MAGI1: variants seen among roughly 807,000 people sequenced by gnomAD.
The protein encoded by MAGI1 is membrane-associated guanylate kinase, WW and PDZ domain-containing protein 1.
In MAGI1, 58 loss-of-function variants were observed where a neutral mutation model predicts 139.9. That is an observed-to-expected ratio of 0.41 (90% CI 0.34 to 0.52). MAGI1 has a LOEUF of 0.52. MAGI1 is among the 20% of genes least tolerant of loss of function. The pLI, the probability that MAGI1 is intolerant of heterozygous loss-of-function variation, is 0.12. For missense variants in MAGI1, 1,874 were observed against 1,901.6 expected, an observed-to-expected ratio of 0.99 and a Z score of 0.27; for synonymous variants, 812 against 737.9, an observed-to-expected ratio of 1.10 and a Z score of -1.63.
intron 2 of MAGI1, among the ~76,000 whole-genome samples, chr3:65,608,121 C>G (rs2082847363): frequency 6.6e-6 from 1 of 152,062 alleles, no homozygotes; most frequent in African/African-American, 2.4e-5. Flanking sequence ...TTCTACAAAT[C>G]AGAAAGCAAA....
rs776093338 is a variant in MAGI1, at chr3:65,448,066, A to T, written c.1043-9T>A. The T allele has an allele frequency of 6.2e-7, 1 of 1,613,810 alleles. No homozygotes were observed. Among genetic ancestry groups the T allele is most frequent in the African/African-American group, 1.3e-5 (1 of 74,910 alleles). On this transcript the variant is annotated splice_polypyrimidine_tract_variant and intron_variant, in intron 6 of 22. Transcript: ENST00000402939. Reference sequence around the variant, plus strand: ...CTCGGTGTGTACCCCTTCTTCTCCAAAGGAATAGCAGGAATGAGACAGAAA... The same window carrying T: ...CTCGGTGTGTACCCCTTCTTCTCCATAGGAATAGCAGGAATGAGACAGAAA...
chr3:65,718,648 G>C (rs1344980270), intron 1 of MAGI1: 1 of 152,096 alleles, frequency 6.6e-6, no homozygotes, highest in Non-Finnish European at 1.5e-5. Flanking sequence ...TTCAGAGCAC[G>C]TTCTCAGATC....
At chr3:65,419,366 T>A (rs756359223) in intron 12 of MAGI1, among the ~76,000 whole-genome samples, 1 of 152,190 alleles carries the variant, frequency 6.6e-6, no homozygotes, top group Non-Finnish European at 1.5e-5. Context: ...AGGACTTATC[T>A]TCAGTGAGTG....
intron 1 of MAGI1, among the ~76,000 whole-genome samples, chr3:65,622,533 T>C (rs1232426579): frequency 1.3e-5 from 2 of 152,130 alleles, no homozygotes; most frequent in East Asian, 3.9e-4. Flanking sequence ...CTCTTCAAAT[T>C]TCCATGAATT....
chr3:65,700,130 T>C (rs17073477), intron 1 of MAGI1, among the ~76,000 whole-genome samples: 65,916 of 151,984 alleles, frequency 0.43, 14,965 homozygotes, highest in African/African-American at 0.58. Flanking sequence ...CCTTATAAGA[T>C]GGTTGAGATA....
intron 6 of MAGI1, chr3:65,452,730 A>G (rs1205770833): frequency 6.6e-6 from 1 of 152,304 alleles, no homozygotes; most frequent in Non-Finnish European, 1.5e-5. Context: ...CCTCTGTCTC[A>G]AAAGAATACA....
At chr3:66,033,497 C>G (rs1576535862) in intron 1 of MAGI1, among the ~76,000 whole-genome samples, 1 of 151,902 alleles carries the variant, frequency 6.6e-6, no homozygotes, top group African/African-American at 2.4e-5. Context: ...GAGAAAGAAG[C>G]AAGACCAGAG....
intron 6 of MAGI1, chr3:65,448,313 T>C (rs1228416089): frequency 1.2e-5 from 7 of 576,224 alleles, no homozygotes; most frequent in Non-Finnish European, 2.2e-5. Flanking sequence ...TAGGATTTGA[T>C]TGGTTGTAAA....
At chr3:65,947,964 CAG>C (rs2063619738) in intron 1 of MAGI1, among the ~76,000 whole-genome samples, 1 of 124,066 alleles carries the variant, frequency 8.1e-6, no homozygotes, top group Non-Finnish European at 1.6e-5. Context: ...TTTTTTGAGA[CAG>C]AGTCTCACTC....
chr3:65,562,564 C>T (rs2080411704), intron 2 of MAGI1, among the ~76,000 whole-genome samples: 1 of 152,202 alleles, frequency 6.6e-6, no homozygotes, highest in South Asian at 2.1e-4. Context: ...TCATAGCTCA[C>T]TGCAGCCTTG....
intron 1 of MAGI1, among the ~76,000 whole-genome samples, chr3:65,935,305 G>A (rs1172303484): frequency 2.0e-5 from 3 of 152,180 alleles, no homozygotes; most frequent in Non-Finnish European, 2.9e-5. Flanking sequence ...GGGGCATGTG[G>A]AATGAATAAG....
chr3:66,030,732 G>A (rs778635557), intron 1 of MAGI1, among the ~76,000 whole-genome samples: 16 of 152,156 alleles, frequency 1.1e-4, no homozygotes, highest in Non-Finnish European at 1.8e-4. Context: ...CCTTAGGACA[G>A]GTCACGGGCA....
intron 1 of MAGI1, among the ~76,000 whole-genome samples, chr3:66,013,820 C>G (rs980997926): frequency 3.3e-5 from 5 of 151,420 alleles, no homozygotes; most frequent in Non-Finnish European, 7.4e-5. Context: ...TTTGAAAAAG[C>G]ATGTTAGGGC....
Position 65,381,896 on chromosome 3 carries a change from C to T in MAGI1, c.2682G>A (p.Arg894=), listed in dbSNP as rs1414076555. The part of the protein sequence containing the change: ...AKQGHVNLTV[R]RKVVFAVPKT... ...ACATACCCGCAAAAACCACTTTACGCCGCACCGTGAGATTGACGTGGCCTT... is the reference window on the plus strand; with the variant it reads ...ACATACCCGCAAAAACCACTTTACGTCGCACCGTGAGATTGACGTGGCCTT... Residue 894 remains arginine (R), a synonymous_variant, in exon 16 of 23, where the codon CGG becomes CGA. Coordinates refer to ENST00000402939, the MANE Select transcript of MAGI1 (RefSeq NM_001033057.2). 3 of 1,612,850 alleles carry T rather than the reference C, an allele frequency of 1.9e-6. No individual in the cohort carries two copies. The highest frequency in any genetic ancestry group is 8.5e-7 in the Non-Finnish European group (1 of 1,179,440).
At chr3:65,480,304 G>T (rs940897394) in intron 3 of MAGI1, among the ~76,000 whole-genome samples, 1 of 151,936 alleles carries the variant, frequency 6.6e-6, no homozygotes, top group East Asian at 1.9e-4. Flanking sequence ...AGGCTGAGGC[G>T]GGCTAACCAC....
At chr3:65,570,418 T>TA (rs60986885) in intron 2 of MAGI1, among the ~76,000 whole-genome samples, 34,024 of 137,950 alleles carry the variant, frequency 0.25, 3,832 homozygotes, top group South Asian at 0.33. Flanking sequence ...CAATACTTCA[T>TA]AAAAAAAAAA....
chr3:65,718,460 T>C (rs1039797327), intron 1 of MAGI1: 1 of 152,182 alleles, frequency 6.6e-6, no homozygotes, highest in African/African-American at 2.4e-5. Context: ...AATCCTACAA[T>C]GTTGTACCTT....
intron 4 of MAGI1, among the ~76,000 whole-genome samples, chr3:65,477,715 T>TA (rs11436319): frequency 0.19 from 28,442 of 147,480 alleles, 2,770 homozygotes; most frequent in South Asian, 0.26. Flanking sequence ...ATTATTATTT[T>TA]TTTTTTTTTA....
chr3:65,943,208 G>C (rs2063394004), intron 1 of MAGI1, among the ~76,000 whole-genome samples: 1 of 152,122 alleles, frequency 6.6e-6, no homozygotes, highest in African/African-American at 2.4e-5. Flanking sequence ...CTTTTGCTGG[G>C]AGAAGATGGA....
Sources: gnomAD v4.1 joint callset for allele counts (sites outside exome capture counted in the v4.1 genomes callset) on GRCh38, gnomAD v4.1.1 for gene constraint, MANE v1.5 for transcripts, NCBI Gene and HGNC (gene_info 2026-07-23, HGNC 2026-07-21) for gene names.